PXDN: variants seen among roughly 807,000 people sequenced by gnomAD.
The protein encoded by PXDN is peroxidasin homolog.
A neutral mutation model predicts 140.3 loss-of-function variants in PXDN; 77 were observed. The ratio of observed to expected loss-of-function variants is 0.55; its 90% CI spans 0.46 to 0.66. The LOEUF (loss-of-function observed/expected upper bound fraction) is 0.66. Among genes scored for constraint, PXDN ranks in the 30% least tolerant of loss-of-function variants. The pLI is 0.00. For synonymous variants in PXDN, 911 were observed against 857.4 expected, an observed-to-expected ratio of 1.06 and a Z score of -1.09; for missense variants, 1,838 against 2,039.5, an observed-to-expected ratio of 0.90 and a Z score of 1.90.
rs756314521 is a variant in PXDN at position 1,648,122 on chromosome 2, T to C, written c.3608+50A>G. 2 of 1,573,678 alleles carry C rather than the reference T, an allele frequency of 1.3e-6. No individual in the cohort carries two copies. The highest frequency in any genetic ancestry group is 1.7e-6 in the Non-Finnish European group (2 of 1,154,792). On this transcript the variant is annotated intron_variant, in intron 17 of 22. Coordinates refer to ENST00000252804, the MANE Select transcript of PXDN (RefSeq NM_012293.3). This position sits in a 1 kb window ranked among gnomAD's most constrained non-coding sequence, Gnocchi z 8.9. ...TAACACACACACCACAGTTCAGGTG[T>C]TCCAGGTGCCTAGGTACACGAGCCA...
In PXDN at chr2:1,639,264, C is replaced by G; in HGVS notation, c.4073+38G>C. On this transcript the variant is annotated intron_variant, in intron 20 of 22. Coordinates refer to ENST00000252804, the MANE Select transcript of PXDN (RefSeq NM_012293.3). This position sits in a 1 kb window ranked among gnomAD's most constrained non-coding sequence, Gnocchi z 5.0. ...CTGCCCGACGCCCGCGGTGCGAGGGCCCCTCTGCACATCATTTGACCTCAG... is the reference window on the plus strand; with the variant it reads ...CTGCCCGACGCCCGCGGTGCGAGGGGCCCTCTGCACATCATTTGACCTCAG... 4.4e-6 allele frequency: 7 copies of G among 1,594,404 alleles called. No homozygotes were observed. Among genetic ancestry groups the G allele is most frequent in the Non-Finnish European group, 6.0e-6 (7 of 1,170,170 alleles).
intron 6 of PXDN, 111 bp downstream of exon 6, chr2:1,683,545 G>GCCACATGTTCTTCATTTTGCTCTCT: frequency 2.3e-6 from 1 of 428,714 alleles, no homozygotes; most frequent in Non-Finnish European, 3.6e-6. Context: ...CATTCTTTCA[G>GCCACATGTTCTTCATTTTGCTCTCT]AATCAGATTG....
At chr2:1,656,986 C>T (rs959581060) in intron 14 of PXDN, among the ~76,000 whole-genome samples, 1 of 149,820 alleles carries the variant, frequency 6.7e-6, no homozygotes, top group Admixed American at 6.6e-5. Context: ...GGTTCTACTC[C>T]CTCTGACTGA....
chr2:1,739,284 C>A (rs754673466), intron 1 of PXDN, among the ~76,000 whole-genome samples: 3 of 152,124 alleles, frequency 2.0e-5, no homozygotes, highest in Non-Finnish European at 4.4e-5. Flanking sequence ...CAATCATCAG[C>A]AACTAGGGAA....
intron 6 of PXDN, among the ~76,000 whole-genome samples, chr2:1,683,278 G>T (rs1273485425): frequency 3.3e-5 from 5 of 151,732 alleles, no homozygotes; most frequent in Admixed American, 3.3e-4. Flanking sequence ...AAACTTAGCT[G>T]GGCATGGTGG....
chr2:1,716,374 G>C (rs528154826), intron 1 of PXDN, among the ~76,000 whole-genome samples: 27 of 148,730 alleles, frequency 1.8e-4, no homozygotes, highest in African/African-American at 5.7e-4. Flanking sequence ...GGAGGTGGAG[G>C]TTGCGGTGAG....
chr2:1,646,964 C>T (rs759226823), intron 17 of PXDN, among the ~76,000 whole-genome samples: 2 of 152,122 alleles, frequency 1.3e-5, no homozygotes, highest in South Asian at 4.1e-4. Context: ...AGCGTGATCT[C>T]GGCTCACTGC....
In PXDN at chr2:1,660,749, T is replaced by A; in HGVS notation, c.1837+132A>T. 2.5e-6 allele frequency: 3 copies of A among 1,219,766 alleles called. No homozygotes were observed. The highest frequency in any genetic ancestry group is 3.3e-6 in the Non-Finnish European group (3 of 900,166). The allele number at this position is 1,219,766 out of a possible 1,614,324, so 75.6% of individuals were successfully genotyped here. ...CATGCATCAGGAGAGTGTCCCCACC[T>A]GGGAATCAAGGGTGCTTTGTCTTCT... is the stretch of plus-strand genomic sequence containing the variant. On this transcript the variant is annotated intron_variant, in intron 14 of 22. Coordinates refer to ENST00000252804, the MANE Select transcript of PXDN (RefSeq NM_012293.3). This position sits in a 1 kb window ranked among gnomAD's most constrained non-coding sequence, Gnocchi z 4.6.
intron 16 of PXDN, chr2:1,653,263 C>T (rs1412427405): frequency 2.9e-6 from 1 of 349,242 alleles, no homozygotes; most frequent in South Asian, 2.3e-5. Flanking sequence ...CAGGACACAA[C>T]GTCACTCAGG....
rs771941680 is a variant in PXDN at position 1,644,731 on chromosome 2, G to T, written c.3630C>A (p.Asn1210Lys). The T allele has an allele frequency of 6.3e-7, 1 of 1,579,930 alleles. No homozygotes were observed. Among genetic ancestry groups the T allele is most frequent in the Non-Finnish European group, 8.6e-7 (1 of 1,158,230 alleles). The change falls in exon 18 of 23, where the codon AAC becomes AAA. Residue 1210 changes from asparagine to lysine, a missense_variant. This residue lies in a region of PXDN where 850 missense variants were observed against 894.1 expected (regional missense o/e 0.95). Coordinates refer to ENST00000252804, the MANE Select transcript of PXDN (RefSeq NM_012293.3). Reference sequence around the variant, plus strand: ...CCACGAGCGCCGGAAACAGGTCGATGTTGAGTGTCGAGCCATACAACCTAA... The same window carrying T: ...CCACGAGCGCCGGAAACAGGTCGATTTTGAGTGTCGAGCCATACAACCTAA... ...KLKRLYGSTL[N>K]IDLFPALVVE...
chr2:1,727,223 C>A (rs531380916), intron 1 of PXDN, among the ~76,000 whole-genome samples: 1 of 152,360 alleles, frequency 6.6e-6, no homozygotes, highest in East Asian at 1.9e-4. Context: ...ACCGCCACCG[C>A]CCCGTCACAG....
At chr2:1,695,258 A>G (rs1684275546) in intron 1 of PXDN, among the ~76,000 whole-genome samples, 1 of 152,218 alleles carries the variant, frequency 6.6e-6, no homozygotes, top group African/African-American at 2.4e-5. Context: ...GGTGCCACCA[A>G]AACCTCTAGA....
chr2:1,704,519 G>A (rs190506369), intron 1 of PXDN, among the ~76,000 whole-genome samples: 89 of 73,350 alleles, frequency 1.2e-3, no homozygotes, highest in South Asian at 2.2e-3. Flanking sequence ...AGGTGAAGGT[G>A]GGGGACAACT....
In PXDN at chr2:1,649,519, G is replaced by A; in HGVS notation, c.2261C>T (p.Pro754Leu). ...HDGTCNNLQH[P>L]MWGASLTAFE... ...GGCGGTCAGCGAGGCGCCCCACATGGGGTGCTGCAGGTTGTTACAGGTGCC... is the reference window on the plus strand; with the variant it reads ...GGCGGTCAGCGAGGCGCCCCACATGAGGTGCTGCAGGTTGTTACAGGTGCC... The change falls in exon 17 of 23, where the codon CCC becomes CTC. Residue 754 changes from proline to leucine, a missense_variant. Coordinates refer to ENST00000252804, the MANE Select transcript of PXDN (RefSeq NM_012293.3). This position sits in a 1 kb window ranked among gnomAD's most constrained non-coding sequence, Gnocchi z 7.1. The A allele has an allele frequency of 1.6e-5, 26 of 1,614,028 alleles. No individual in the cohort carries two copies. Among genetic ancestry groups the A allele is most frequent in the Non-Finnish European group, 2.2e-5 (26 of 1,179,886 alleles).
intron 1 of PXDN, among the ~76,000 whole-genome samples, chr2:1,725,587 T>C (rs1000711812): frequency 2.0e-5 from 3 of 152,072 alleles, no homozygotes; most frequent in Non-Finnish European, 4.4e-5. Context: ...GGGATCTAAT[T>C]AAACTAAAGA....
intron 4 of PXDN, among the ~76,000 whole-genome samples, chr2:1,684,586 A>G (rs963706408): frequency 2.6e-5 from 4 of 152,242 alleles, no homozygotes; most frequent in Non-Finnish European, 4.4e-5. Context: ...GCATCATCAT[A>G]TACTTTGACA....
rs1572197763 is a variant in PXDN at position 1,727,101 on chromosome 2, G to A, written c.200+17155C>T. On this transcript the variant is annotated intron_variant, in intron 1 of 22. Transcript: ENST00000252804. ...AATGCAGTGAACACTCTGCTTCCTT[G>A]TAATTTCCTGTTTGCATCCAAGTAT... is the stretch of plus-strand genomic sequence containing the variant. Among the ~76,000 whole-genome samples the A allele has an allele frequency of 2.6e-5, 4 of 152,318 alleles. 1 individual carries two copies. The highest frequency in any genetic ancestry group is 2.6e-4 in the Admixed American group (4 of 15,308).
At chr2:1,743,611 G>A (rs1685600938) in intron 1 of PXDN, among the ~76,000 whole-genome samples, 1 of 125,104 alleles carries the variant, frequency 8.0e-6, no homozygotes, top group Admixed American at 9.2e-5. Context: ...GGGCGGGGGA[G>A]GGGGAGAGGG....
At chr2:1,659,408 C>A (rs1037745670) in intron 14 of PXDN, among the ~76,000 whole-genome samples, 1 of 152,172 alleles carries the variant, frequency 6.6e-6, no homozygotes, top group African/African-American at 2.4e-5. Context: ...ATAAATGAGA[C>A]ATACAATTTT....
Sources: gnomAD v4.1 joint callset for allele counts (sites outside exome capture counted in the v4.1 genomes callset) on GRCh38, gnomAD v4.1.1 for gene constraint, gnomAD v4.1.1 regional missense constraint, Gnocchi (gnomAD v3.1) non-coding constraint, MANE v1.5 for transcripts, NCBI Gene and HGNC (gene_info 2026-07-23, HGNC 2026-07-21) for gene names.